NSUN6: variants seen among roughly 807,000 people sequenced by gnomAD.
The protein encoded by NSUN6 is tRNA (cytosine(72)-C(5))-methyltransferase NSUN6.
In NSUN6, 64 loss-of-function variants were observed where a neutral mutation model predicts 58.0. The observed-to-expected ratio is 1.10, with a 90% CI of 0.90 to 1.36. The LOEUF (loss-of-function observed/expected upper bound fraction) is 1.36. NSUN6 is among the 40% of genes most tolerant of loss of function. The pLI, the probability that NSUN6 is intolerant of heterozygous loss-of-function variation, is 0.00. For missense variants in NSUN6, 701 were observed against 550.1 expected (o/e 1.27, Z -2.74); for synonymous variants, 231 against 193.9 (o/e 1.19, Z -1.59).
rs531834903 is a variant in NSUN6 at position 18,641,184 on chromosome 10, A to G, written c.311+1292T>C. On this transcript the variant is annotated intron_variant, in intron 3 of 10. Coordinates refer to ENST00000377304, the MANE Select transcript of NSUN6 (RefSeq NM_182543.5). ...GCATGGACAAATCATAGTTTATTAAACCACTGCTCTATTGCTGCCCACTAA... is the reference window on the plus strand; with the variant it reads ...GCATGGACAAATCATAGTTTATTAAGCCACTGCTCTATTGCTGCCCACTAA... 1.6e-4 allele frequency among the ~76,000 whole-genome samples: 24 copies of G among 152,214 alleles called. 1 individual carries two copies. In the East Asian group the frequency reaches 3.7e-3, roughly 23 times the overall value.
Position 18,575,798 on chromosome 10 carries a change from C to G in NSUN6, c.922+10151G>C, listed in dbSNP as rs536746283. ...CCTTATTTACACTCCGCTGCTGATACTCCTACCTTTGAAACAAAAGATCAA... is the reference window on the plus strand; with the variant it reads ...CCTTATTTACACTCCGCTGCTGATAGTCCTACCTTTGAAACAAAAGATCAA... On this transcript the variant is annotated intron_variant, in intron 8 of 10. Transcript: ENST00000377304. Among the ~76,000 whole-genome samples, 384 of 152,294 alleles carry G rather than the reference C, an allele frequency of 2.5e-3. 2 individuals carry two copies. The highest frequency in any genetic ancestry group is 0.016 in the South Asian group (76 of 4,822).
chr10:18,577,132 T>C (rs1468264398), intron 8 of NSUN6, among the ~76,000 whole-genome samples: 6 of 152,190 alleles, frequency 3.9e-5, no homozygotes, highest in Non-Finnish European at 8.8e-5. Context: ...GTTAAAGGAA[T>C]AGCTGAGCAA....
At chr10:18,591,138 A>C (rs1040772463) in intron 7 of NSUN6, among the ~76,000 whole-genome samples, 3 of 152,202 alleles carry the variant, frequency 2.0e-5, no homozygotes, top group African/African-American at 4.8e-5. Context: ...AAAATCTAGA[A>C]GAAATGGATA....
chr10:18,561,046 G>C (rs2055462601), intron 8 of NSUN6, among the ~76,000 whole-genome samples: 1 of 149,516 alleles, frequency 6.7e-6, no homozygotes. Context: ...ATGGAATGCA[G>C]AATGGAATGG....
chr10:18,592,476 C>G (rs2057413913), intron 7 of NSUN6, among the ~76,000 whole-genome samples: 3 of 152,192 alleles, frequency 2.0e-5, no homozygotes, highest in Admixed American at 2.0e-4. Context: ...AACTATATTA[C>G]AAGGCTACAG....
intron 8 of NSUN6, among the ~76,000 whole-genome samples, chr10:18,558,905 AGAATG>A (rs1336337667): frequency 6.6e-5 from 10 of 151,312 alleles, no homozygotes; most frequent in Non-Finnish European, 8.9e-5. Context: ...AATGGAGTGA[AGAATG>A]GAATGGAATT....
intron 9 of NSUN6, among the ~76,000 whole-genome samples, chr10:18,549,118 C>G (rs918286105): frequency 6.6e-6 from 1 of 152,172 alleles, no homozygotes; most frequent in Non-Finnish European, 1.5e-5. Flanking sequence ...CAGCCCCAAG[C>G]CCCTCACATG....
chr10:18,575,005 C>A (rs2056578805), intron 8 of NSUN6, among the ~76,000 whole-genome samples: 1 of 152,032 alleles, frequency 6.6e-6, no homozygotes, highest in Non-Finnish European at 1.5e-5. Flanking sequence ...CTACTGTAAT[C>A]CCCATTTTCT....
intron 3 of NSUN6, among the ~76,000 whole-genome samples, chr10:18,638,553 A>C (rs538764856): frequency 6.6e-6 from 1 of 152,306 alleles, no homozygotes; most frequent in African/African-American, 2.4e-5. Context: ...CAGGTCTCTA[A>C]GCAAAAGACA....
intron 8 of NSUN6, among the ~76,000 whole-genome samples, chr10:18,562,393 GGGAATGGAGAACGGAAT>G (rs1204247085): frequency 7.0e-6 from 1 of 142,326 alleles, no homozygotes; most frequent in East Asian, 2.2e-4. Context: ...TAGAATAGAA[GGGAATGGAGAACGGAAT>G]GGAATGGAGA....
intron 2 of NSUN6, among the ~76,000 whole-genome samples, chr10:18,646,025 T>C (rs1384602679): frequency 6.6e-6 from 1 of 152,092 alleles, no homozygotes; most frequent in Admixed American, 6.6e-5. Context: ...TGAAATCCCA[T>C]CTGTGCTAAG....
chr10:18,566,022 CATTCCATTCTCCATTCCACTCT>C (rs1282156865), intron 8 of NSUN6, among the ~76,000 whole-genome samples: 16 of 151,456 alleles, frequency 1.1e-4, no homozygotes, highest in African/African-American at 3.4e-4. Context: ...TTCTCTATTC[CATTCCATTCTCCATTCCACTCT>C]ATTCCATTCT....
intron 8 of NSUN6, among the ~76,000 whole-genome samples, chr10:18,556,189 GGAATGAA>G (rs1296132959): frequency 1.3e-5 from 2 of 150,988 alleles, no homozygotes; most frequent in African/African-American, 2.4e-5. Context: ...AGAGTGGAAT[GGAATGAA>G]GAATGAAGAA....
At chr10:18,550,873 C>CA (rs1185381978) in intron 9 of NSUN6, among the ~76,000 whole-genome samples, 1 of 151,924 alleles carries the variant, frequency 6.6e-6, no homozygotes, top group African/African-American at 2.4e-5. Context: ...TACAGGCGCC[C>CA]ACAACCACAC....
chr10:18,613,099 A>T (rs1393520868), intron 5 of NSUN6, among the ~76,000 whole-genome samples: 1 of 151,394 alleles, frequency 6.6e-6, no homozygotes, highest in African/African-American at 2.4e-5. Context: ...TTAAAAACCA[A>T]TTTTTTTTTC....
intron 6 of NSUN6, among the ~76,000 whole-genome samples, chr10:18,608,735 G>A (rs1344773411): frequency 2.0e-5 from 3 of 151,566 alleles, no homozygotes; most frequent in Non-Finnish European, 2.9e-5. Flanking sequence ...TTAACTGGAA[G>A]GAGTGCAGGT....
At chr10:18,561,790 A>T (rs1202136517) in intron 8 of NSUN6, among the ~76,000 whole-genome samples, 1 of 150,376 alleles carries the variant, frequency 6.6e-6, no homozygotes, top group African/African-American at 2.5e-5. Context: ...CGGAATGGAG[A>T]ATACAATGGA....
rs1432435279 is a variant in NSUN6, at chr10:18,551,965, G to A, written c.929C>T (p.Pro310Leu). The change falls in exon 9 of 11, where the codon CCT becomes CTT. Residue 310 changes from proline (P) to leucine (L), a missense_variant. By Grantham distance (98) the Pro-to-Leu change is moderately conservative. Coordinates refer to ENST00000377304, the MANE Select transcript of NSUN6 (RefSeq NM_182543.5). ...LDMVEDTEGE[P>L]PFLPESFDRI... ...GTCAAAGGATTCTGGTAGAAATGGA[G>A]GTTCTCCTATAAAGAGAATTATAAT... is the stretch of plus-strand genomic sequence containing the variant. 6.3e-7 allele frequency: 1 copy of A among 1,597,258 alleles called. No individual in the cohort carries two copies. Among genetic ancestry groups the A allele is most frequent in the Middle Eastern group, 1.7e-4 (1 of 6,026 alleles).
chr10:18,625,469 T>G (rs2058758923), intron 3 of NSUN6, among the ~76,000 whole-genome samples: 1 of 151,902 alleles, frequency 6.6e-6, no homozygotes, highest in Non-Finnish European at 1.5e-5. Context: ...TCCCAGCACT[T>G]TGGAAGGCCG....
Sources: allele counts gnomAD v4.1 joint callset (sites outside exome capture counted in the v4.1 genomes callset), GRCh38; gene constraint gnomAD v4.1.1; transcripts MANE v1.5; gene names NCBI Gene and HGNC (gene_info 2026-07-23, HGNC 2026-07-21).